The following GABRG3 variants were observed in gnomAD, a reference collection of about 807,000 sequenced individuals.
GABRG3 encodes gamma-aminobutyric acid receptor subunit gamma-3.
Under a neutral mutation model 48.8 loss-of-function variants are expected in GABRG3, and 25 were observed. That is an observed-to-expected ratio of 0.51 (90% CI 0.37 to 0.72). GABRG3 has a LOEUF of 0.72. Ranked by LOEUF, GABRG3 falls within the 30% of genes least tolerant of loss-of-function variation. GABRG3 has a pLI of 0.00. For synonymous variants in GABRG3, 227 were observed against 217.6 expected (o/e 1.04, Z -0.38); for missense variants, 394 against 577.9 (o/e 0.68, Z 3.26).
At chr15:27,434,926 C>T (rs1176450264) in intron 5 of GABRG3, among the ~76,000 whole-genome samples, 1 of 152,146 alleles carries the variant, frequency 6.6e-6, no homozygotes, top group Non-Finnish European at 1.5e-5. Flanking sequence ...CTTCAGTTTC[C>T]TTCCTGCTCT....
rs1408761983 is a variant in GABRG3 at position 27,444,903 on chromosome 15, ACAGAGTCACC to A, written c.575-35743_575-35734del. Among the ~76,000 whole-genome samples, 4 of 151,352 alleles carry A rather than the reference ACAGAGTCACC, an allele frequency of 2.6e-5. No homozygotes were observed. In the East Asian group the frequency reaches 7.8e-4, roughly 29 times the overall value. ...CATGTTCAAGATTTTTTTTTTTGGG[ACAGAGTCACC>A]CAGGCTGCAGTGCAATTGTGCAATC... On this transcript the variant is annotated intron_variant, in intron 5 of 9. Transcript: ENST00000615808.
chr15:27,539,442 C>T lies in GABRG3; in HGVS notation c.*6561C>T, dbSNP rs773917308. On this transcript the variant is annotated 3_prime_UTR_variant, in exon 10 of 10. Coordinates refer to ENST00000615808, the MANE Select transcript of GABRG3 (RefSeq NM_033223.5). ...CTTCTCTAATCTAAGGAGGTCTATTCGAAAGGATAGTGCTTGACTTTCAAT... is the reference window on the plus strand; with the variant it reads ...CTTCTCTAATCTAAGGAGGTCTATTTGAAAGGATAGTGCTTGACTTTCAAT... The T allele has an allele frequency of 1.3e-5, 2 of 152,122 alleles. No individual in the cohort carries two copies. The highest frequency in any genetic ancestry group is 4.8e-5 in the African/African-American group (2 of 41,400). 9.4% of individuals were successfully genotyped at this position (152,122 alleles called of 1,614,324 possible). A position where few individuals can be genotyped will look rare whatever the true frequency, so the allele number is the denominator to read the frequency against.
intron 3 of GABRG3, among the ~76,000 whole-genome samples, chr15:27,061,981 C>T (rs1436872811): frequency 1.3e-5 from 2 of 152,180 alleles, no homozygotes; most frequent in Non-Finnish European, 2.9e-5. Flanking sequence ...TGAAATCAGC[C>T]TCCTCCTTCC....
At chr15:27,053,070 A>G (rs1223507297) in intron 3 of GABRG3, among the ~76,000 whole-genome samples, 3 of 152,194 alleles carry the variant, frequency 2.0e-5, no homozygotes, top group Non-Finnish European at 4.4e-5. Context: ...CTAGAAGAAA[A>G]CCTAGGAAAT....
chr15:27,249,656 G>A (rs887114323), intron 3 of GABRG3, among the ~76,000 whole-genome samples: 1 of 152,130 alleles, frequency 6.6e-6, no homozygotes, highest in Non-Finnish European at 1.5e-5. Flanking sequence ...CAGAGTGTGA[G>A]TTCAGCCATG....
chr15:27,108,784 T>C (rs1897494775), intron 3 of GABRG3, among the ~76,000 whole-genome samples: 1 of 152,210 alleles, frequency 6.6e-6, no homozygotes, highest in African/African-American at 2.4e-5. Context: ...AAGATAATTC[T>C]GTCTCCTTGG....
At chr15:27,040,067 A>G (rs1205377599) in intron 3 of GABRG3, among the ~76,000 whole-genome samples, 1 of 152,176 alleles carries the variant, frequency 6.6e-6, no homozygotes, top group African/African-American at 2.4e-5. Flanking sequence ...CCTTCAGCCC[A>G]CACCTTGGCA....
intron 2 of GABRG3, among the ~76,000 whole-genome samples, chr15:26,985,272 G>A (rs924729194): frequency 2.0e-5 from 3 of 152,092 alleles, no homozygotes; most frequent in Admixed American, 6.6e-5. Context: ...ACATGACACC[G>A]GGCACTGACT....
At chr15:27,194,289 G>A (rs1440242496) in intron 3 of GABRG3, among the ~76,000 whole-genome samples, 1 of 152,160 alleles carries the variant, frequency 6.6e-6, no homozygotes, top group Non-Finnish European at 1.5e-5. Context: ...ATCAAATGCT[G>A]TTTTAGAAAC....
intron 3 of GABRG3, among the ~76,000 whole-genome samples, chr15:27,031,796 AG>A (rs1456511564): frequency 6.6e-6 from 1 of 152,160 alleles, no homozygotes; most frequent in African/African-American, 2.4e-5. Context: ...TCATTACTGG[AG>A]GATGATCTAT....
intron 3 of GABRG3, among the ~76,000 whole-genome samples, chr15:27,137,860 T>C (rs1898037111): frequency 2.0e-5 from 3 of 152,218 alleles, no homozygotes; most frequent in African/African-American, 7.2e-5. Context: ...CTTTTATTTT[T>C]GTTTAAGGTA....
chr15:27,409,158 A>C (rs1376295631), intron 5 of GABRG3, among the ~76,000 whole-genome samples: 1 of 152,104 alleles, frequency 6.6e-6, no homozygotes, highest in Non-Finnish European at 1.5e-5. Flanking sequence ...CTTGCTTCTG[A>C]TATCATACCT....
chr15:27,108,537 G>C (rs550653869), intron 3 of GABRG3, among the ~76,000 whole-genome samples: 2 of 152,306 alleles, frequency 1.3e-5, no homozygotes, highest in East Asian at 3.9e-4. Context: ...GACTTGGGAA[G>C]AGGGCTTGTT....
chr15:27,135,949 AAG>A (rs1239564652), intron 3 of GABRG3, among the ~76,000 whole-genome samples: 3 of 152,110 alleles, frequency 2.0e-5, no homozygotes, highest in Non-Finnish European at 2.9e-5. Flanking sequence ...AACAACAAAA[AAG>A]AGAGAGATAA....
In GABRG3 at chr15:27,272,474, A is replaced by G. The variant is rs1891122032; in HGVS notation, c.271-54335A>G. Among the ~76,000 whole-genome samples, 3 of 152,210 alleles carry G rather than the reference A, an allele frequency of 2.0e-5. No individual in the cohort carries two copies. The South Asian group carries it at 6.2e-4, about 31-fold the overall frequency. ...CATGGTATGTCTGTAACAGTATAGT[A>G]CAGTGGTATTTTCAAAGACCTCTGC... On this transcript the variant is annotated intron_variant, in intron 3 of 9. Coordinates refer to ENST00000615808, the MANE Select transcript of GABRG3 (RefSeq NM_033223.5).
At chr15:27,376,381 C>T (rs1895595585) in intron 5 of GABRG3, among the ~76,000 whole-genome samples, 2 of 152,224 alleles carry the variant, frequency 1.3e-5, no homozygotes, top group Admixed American at 1.3e-4. Flanking sequence ...CTTCTCACAG[C>T]TCCACTAGGC....
chr15:27,539,216 T>C lies in GABRG3; in HGVS notation c.*6335T>C, dbSNP rs1891613435. ...AAGGTGCCAGCATCCCCTTTCCACC[T>C]GAGATGGGCTGAATTTTCACCCGGA... On this transcript the variant is annotated 3_prime_UTR_variant, in exon 10 of 10. Coordinates refer to ENST00000615808, the MANE Select transcript of GABRG3 (RefSeq NM_033223.5). 1.3e-5 allele frequency: 2 copies of C among 152,198 alleles called. No individual in the cohort carries two copies. Among genetic ancestry groups the C allele is most frequent in the African/African-American group, 2.4e-5 (1 of 41,444 alleles). The allele number at this position is 152,198 out of a possible 1,614,324, so 9.4% of individuals were successfully genotyped here. A position where few individuals can be genotyped will look rare whatever the true frequency, so the allele number is the denominator to read the frequency against.
intron 3 of GABRG3, among the ~76,000 whole-genome samples, chr15:27,075,937 C>T (rs562171645): frequency 3.9e-5 from 6 of 152,236 alleles, no homozygotes; most frequent in African/African-American, 1.2e-4. Context: ...TGGTCCTTTC[C>T]ACAGTGCGAG....
intron 2 of GABRG3, among the ~76,000 whole-genome samples, chr15:27,020,785 T>A (rs532248938): frequency 2.0e-5 from 3 of 152,312 alleles, no homozygotes; most frequent in East Asian, 1.9e-4. Flanking sequence ...GCGATGTCAC[T>A]CTCTACTTTT....
Sources: gnomAD v4.1 joint callset for allele counts (sites outside exome capture counted in the v4.1 genomes callset) on GRCh38, gnomAD v4.1.1 for gene constraint, MANE v1.5 for transcripts, NCBI Gene and HGNC (gene_info 2026-07-23, HGNC 2026-07-21) for gene names.